GOLPH3: variants seen among roughly 807,000 people sequenced by gnomAD.
GOLPH3 encodes coat protein GPP34.
In GOLPH3, 14 loss-of-function variants were observed where a neutral mutation model predicts 28.5. That is an observed-to-expected ratio of 0.49 (90% CI 0.32 to 0.77). GOLPH3 has a LOEUF of 0.77. Among genes scored for constraint, GOLPH3 ranks in the 30% least tolerant of loss-of-function variants. GOLPH3 has a pLI of 0.03. For missense variants in GOLPH3, 350 were observed against 393.7 expected, an observed-to-expected ratio of 0.89 and a Z score of 0.94; for synonymous variants, 158 against 159.2, an observed-to-expected ratio of 0.99 and a Z score of 0.06.
chr5:32,151,955 G>A (rs1746316922), intron 1 of GOLPH3, among the ~76,000 whole-genome samples: 1 of 152,178 alleles, frequency 6.6e-6, no homozygotes, highest in African/African-American at 2.4e-5. Flanking sequence ...GGACTGTGGA[G>A]AGAAGGAAAT....
intron 1 of GOLPH3, among the ~76,000 whole-genome samples, chr5:32,164,570 A>AT (rs561387595): frequency 2.0e-5 from 3 of 151,440 alleles, no homozygotes; most frequent in Admixed American, 1.3e-4. Flanking sequence ...ATTTCTTTGT[A>AT]TTTTTTTAGT....
chr5:32,141,375 G>C (rs965361423), intron 2 of GOLPH3, among the ~76,000 whole-genome samples: 1 of 152,150 alleles, frequency 6.6e-6, no homozygotes, highest in African/African-American at 2.4e-5. Context: ...TTGAGATTGA[G>C]GTTGAAGTTA....
intron 2 of GOLPH3, among the ~76,000 whole-genome samples, chr5:32,140,601 T>G: frequency 6.7e-6 from 1 of 149,666 alleles, no homozygotes; most frequent in Non-Finnish European, 1.5e-5. Flanking sequence ...AGGCGGAGGT[T>G]ACAGTGAGCT....
At position 32,173,955 on chromosome 5, in the gene GOLPH3, C is replaced by A; in HGVS notation, c.80G>T (p.Arg27Leu). 1 of 1,440,994 alleles carries A rather than the reference C, an allele frequency of 6.9e-7. No individual in the cohort carries two copies. Among genetic ancestry groups the A allele is most frequent in the Non-Finnish European group, 9.1e-7 (1 of 1,103,640 alleles). 89.3% of individuals were successfully genotyped at this position (1,440,994 alleles called of 1,614,324 possible). Residue 27 changes from arginine to leucine, a missense_variant, in exon 1 of 4, where the codon CGG becomes CTG. By Grantham distance (102) the Arg-to-Leu change is moderately radical. Coordinates refer to ENST00000265070, the MANE Select transcript of GOLPH3 (RefSeq NM_022130.4). ...EASRNAADKE[R>L]AAGGGAGSSE... ...GCTGCCGGCGCCGCCGCCCGCCGCCCGCTCCTTGTCGGCGGCGTTGCGGGA... is the reference window on the plus strand; with the variant it reads ...GCTGCCGGCGCCGCCGCCCGCCGCCAGCTCCTTGTCGGCGGCGTTGCGGGA...
At position 32,126,289 on chromosome 5, in the gene GOLPH3, A is replaced by C. The variant is rs1745677618; in HGVS notation, c.820T>G (p.Leu274Val). The change falls in exon 4 of 4, where the codon TTA becomes GTA. Residue 274 changes from leucine (L) to valine (V), a missense_variant. Transcript: ENST00000265070. ...TTCAGACATTCCACTTCAGGGTCTA[A>C]GTCGAGAAGCTGCCGCACTCTCTTG... ...ATKRVRQLLD[L>V]DPEVECLKAN... The C allele has an allele frequency of 2.2e-5, 35 of 1,614,074 alleles. No individual in the cohort carries two copies. The highest frequency in any genetic ancestry group is 2.8e-5 in the Non-Finnish European group (33 of 1,180,052).
intron 1 of GOLPH3, among the ~76,000 whole-genome samples, chr5:32,173,364 G>C (rs1014587939): frequency 6.6e-6 from 1 of 151,724 alleles, no homozygotes; most frequent in Admixed American, 6.6e-5. Context: ...AACATCCCCA[G>C]CAAGCAGATC....
intron 3 of GOLPH3, 104 bp from the exon 4 acceptor site, chr5:32,126,740 A>C (rs1745690629): frequency 1.2e-6 from 1 of 865,422 alleles, no homozygotes; most frequent in African/African-American, 1.7e-5. Context: ...CCCAAGAAAA[A>C]CAGAAGAAAA....
intron 2 of GOLPH3, 101 bp downstream of exon 2, chr5:32,143,648 A>T: frequency 9.6e-7 from 1 of 1,038,628 alleles, no homozygotes; most frequent in Non-Finnish European, 1.4e-6. Flanking sequence ...AGACAACTTT[A>T]ATATCAACTT....
At chr5:32,127,585 G>A (rs576143707) in intron 3 of GOLPH3, among the ~76,000 whole-genome samples, 5 of 152,214 alleles carry the variant, frequency 3.3e-5, no homozygotes, top group Non-Finnish European at 5.9e-5. Context: ...CACATTTCAC[G>A]TATACAATAG....
intron 1 of GOLPH3, among the ~76,000 whole-genome samples, chr5:32,146,502 A>T (rs1746181988): frequency 6.6e-6 from 1 of 152,068 alleles, no homozygotes; most frequent in African/African-American, 2.4e-5. Flanking sequence ...ATGGTAGAAA[A>T]GGGTATTGTT....
At chr5:32,153,871 C>T (rs1017458535) in intron 1 of GOLPH3, among the ~76,000 whole-genome samples, 1 of 152,112 alleles carries the variant, frequency 6.6e-6, no homozygotes, top group Non-Finnish European at 1.5e-5. Context: ...TGTACTCACA[C>T]CAGAGTGTGG....
At chr5:32,165,200 G>A (rs889045799) in intron 1 of GOLPH3, among the ~76,000 whole-genome samples, 2 of 151,980 alleles carry the variant, frequency 1.3e-5, no homozygotes, top group Non-Finnish European at 2.9e-5. Context: ...ACACCTGCCA[G>A]GGTTAGGTAA....
In GOLPH3 at chr5:32,174,276, C is replaced by T; in HGVS notation, c.-242G>A. ...GCCTGTGGCCGCAGTCCCCGAAACA[C>T]CCCGAGCTCCAAGGCGGAGGCGGCG... On this transcript the variant is annotated 5_prime_UTR_variant, in exon 1 of 4. In the 5' UTR this introduces an upstream ATG that the reference lacks. Transcript: ENST00000265070. 2.9e-6 allele frequency: 1 copy of T among 350,374 alleles called. No homozygotes were observed. The highest frequency in any genetic ancestry group is 4.8e-5 in the Admixed American group (1 of 21,050). 21.7% of individuals were successfully genotyped at this position (350,374 alleles called of 1,614,324 possible).
chr5:32,172,848 C>A (rs1746873801), intron 1 of GOLPH3, among the ~76,000 whole-genome samples: 1 of 152,146 alleles, frequency 6.6e-6, no homozygotes, highest in African/African-American at 2.4e-5. Context: ...GCAACAAGAG[C>A]GAAACTCCGT....
intron 1 of GOLPH3, among the ~76,000 whole-genome samples, chr5:32,162,293 C>A (rs541940890): frequency 6.7e-6 from 1 of 149,600 alleles, no homozygotes; most frequent in East Asian, 2.0e-4. Context: ...GAGATAGAGA[C>A]CATCCTGGCT....
chr5:32,172,343 T>A (rs1458870468), intron 1 of GOLPH3, among the ~76,000 whole-genome samples: 1 of 152,010 alleles, frequency 6.6e-6, no homozygotes, highest in South Asian at 2.1e-4. Context: ...CAAGAAAGAT[T>A]ACGTTGTTTT....
At chr5:32,128,859 A>G (rs574713082) in intron 3 of GOLPH3, among the ~76,000 whole-genome samples, 2 of 152,072 alleles carry the variant, frequency 1.3e-5, no homozygotes, top group African/African-American at 4.8e-5. Context: ...ACCTAAAACT[A>G]GGGGTAAGGG....
intron 3 of GOLPH3, among the ~76,000 whole-genome samples, chr5:32,135,343 T>C (rs781598646): frequency 1.3e-5 from 2 of 152,216 alleles, no homozygotes; most frequent in Non-Finnish European, 2.9e-5. Flanking sequence ...ATAAAGAACA[T>C]GGGAGCTCTA....
chr5:32,144,621 A>G (rs1364896988), intron 1 of GOLPH3, among the ~76,000 whole-genome samples: 1 of 152,222 alleles, frequency 6.6e-6, no homozygotes, highest in African/African-American at 2.4e-5. Flanking sequence ...TTGTAAGAAG[A>G]TATTAGAAAA....
Sources: gnomAD v4.1 joint callset for allele counts (sites outside exome capture counted in the v4.1 genomes callset) on GRCh38, gnomAD v4.1.1 for gene constraint, MANE v1.5 for transcripts, NCBI Gene and HGNC (gene_info 2026-07-23, HGNC 2026-07-21) for gene names.